The following UNC5D variants were observed in gnomAD, a reference collection of about 807,000 sequenced individuals.
UNC5D encodes netrin receptor UNC5D.
Under a neutral mutation model 105.4 loss-of-function variants are expected in UNC5D, and 39 were observed. The observed-to-expected ratio is 0.37, with a 90% CI of 0.29 to 0.48. The LOEUF (loss-of-function observed/expected upper bound fraction) is 0.48, where lower values mean the gene tolerates loss of function less well. UNC5D is among the 20% of genes least tolerant of loss of function. The pLI is 0.98. For synonymous variants in UNC5D, 452 were observed against 450.4 expected (o/e 1.00, Z -0.04); for missense variants, 991 against 1,202.4 (o/e 0.82, Z 2.60).
intron 4 of UNC5D, among the ~76,000 whole-genome samples, chr8:35,617,008 T>C (rs1207775525): frequency 6.6e-6 from 1 of 152,212 alleles, no homozygotes; most frequent in Non-Finnish European, 1.5e-5. Flanking sequence ...TAATGTTCCA[T>C]GGGCATGAAT....
intron 4 of UNC5D, among the ~76,000 whole-genome samples, chr8:35,613,190 G>C (rs1256328880): frequency 1.3e-5 from 2 of 152,198 alleles, no homozygotes; most frequent in African/African-American, 4.8e-5. Flanking sequence ...CAGTTTTCCT[G>C]CTTCAGCCTC....
Position 35,247,647 on chromosome 8 carries a change from A to G in UNC5D, c.103+11760A>G, listed in dbSNP as rs1287835287. ...AAATATATATAATATATAAATATATATTATATATAAAATATATATAATATA... is the reference window on the plus strand; with the variant it reads ...AAATATATATAATATATAAATATATGTTATATATAAAATATATATAATATA... On this transcript the variant is annotated intron_variant, in intron 1 of 16. Coordinates refer to ENST00000404895, the MANE Select transcript of UNC5D (RefSeq NM_080872.4). Among the ~76,000 whole-genome samples, 50 of 56,586 alleles carry G rather than the reference A, an allele frequency of 8.8e-4. 1 individual carries two copies. Among genetic ancestry groups the G allele is most frequent in the African/African-American group, 1.7e-3 (22 of 12,708 alleles). 37.1% of individuals were successfully genotyped at this position (56,586 alleles called of 152,430 possible). A position where few individuals can be genotyped will look rare whatever the true frequency, so the allele number is the denominator to read the frequency against.
At chr8:35,718,399 A>C (rs1828378712) in intron 8 of UNC5D, among the ~76,000 whole-genome samples, 1 of 152,200 alleles carries the variant, frequency 6.6e-6, no homozygotes, top group Admixed American at 6.5e-5. Flanking sequence ...GTATAAACGT[A>C]TGTGTAAATG....
intron 1 of UNC5D, among the ~76,000 whole-genome samples, chr8:35,428,326 A>G (rs1038632237): frequency 2.7e-5 from 4 of 148,578 alleles, no homozygotes; most frequent in African/African-American, 9.9e-5. Flanking sequence ...GATTACAGGT[A>G]CATGCCACCA....
At chr8:35,605,140 T>A (rs1586231627) in intron 4 of UNC5D, among the ~76,000 whole-genome samples, 1 of 152,120 alleles carries the variant, frequency 6.6e-6, no homozygotes, top group Non-Finnish European at 1.5e-5. Flanking sequence ...GAGTTTCCGG[T>A]TTTTCTGTTC....
intron 16 of UNC5D, among the ~76,000 whole-genome samples, chr8:35,788,857 G>A (rs1037830099): frequency 3.3e-5 from 5 of 151,840 alleles, no homozygotes; most frequent in African/African-American, 7.2e-5. Flanking sequence ...CTGGGATTTC[G>A]AACCATTGAG....
At chr8:35,495,782 C>T (rs1811544958) in intron 1 of UNC5D, among the ~76,000 whole-genome samples, 2 of 151,904 alleles carry the variant, frequency 1.3e-5, no homozygotes, top group African/African-American at 4.8e-5. Context: ...CAGTAAAAAC[C>T]CTATTTTTTG....
intron 1 of UNC5D, among the ~76,000 whole-genome samples, chr8:35,333,142 T>G (rs1365131842): frequency 6.6e-6 from 1 of 152,076 alleles, no homozygotes; most frequent in Non-Finnish European, 1.5e-5. Flanking sequence ...GAGGCCAGCC[T>G]GAGCAACATA....
At chr8:35,627,133 GA>G (rs1821738867) in intron 4 of UNC5D, among the ~76,000 whole-genome samples, 1 of 152,120 alleles carries the variant, frequency 6.6e-6, no homozygotes, top group Non-Finnish European at 1.5e-5. Flanking sequence ...TGTATTCAGG[GA>G]TTTTAAACTT....
intron 4 of UNC5D, among the ~76,000 whole-genome samples, chr8:35,624,200 A>T (rs556945183): frequency 1.3e-5 from 2 of 152,246 alleles, no homozygotes; most frequent in Admixed American, 1.3e-4. Context: ...AAGATTAGTC[A>T]TCTTCACTCA....
chr8:35,305,577 T>TTCTCTTTCTTTCTTTCTTTCTTTC (rs1339138456), intron 1 of UNC5D, among the ~76,000 whole-genome samples: 5 of 53,998 alleles, frequency 9.3e-5, no homozygotes, highest in African/African-American at 2.6e-4. Flanking sequence ...CTTTCTTTCT[T>TTCTCTTTCTTTCTTTCTTTCTTTC]TTTCTTTCTT....
At chr8:35,777,630 G>A (rs1286987079) in intron 16 of UNC5D, among the ~76,000 whole-genome samples, 5 of 152,044 alleles carry the variant, frequency 3.3e-5, no homozygotes, top group Admixed American at 2.0e-4. Flanking sequence ...ACAACTACTC[G>A]GCAACATTCA....
intron 4 of UNC5D, among the ~76,000 whole-genome samples, chr8:35,672,540 T>C (rs1444560581): frequency 6.6e-6 from 1 of 152,138 alleles, no homozygotes; most frequent in African/African-American, 2.4e-5. Context: ...TCTTTGCAGA[T>C]GGGAAAAAGC....
intron 3 of UNC5D, among the ~76,000 whole-genome samples, chr8:35,591,374 A>G (rs1242558380): frequency 6.6e-6 from 1 of 152,156 alleles, no homozygotes; most frequent in Non-Finnish European, 1.5e-5. Context: ...CTGCAAAAAT[A>G]CTTGTAAATT....
chr8:35,470,811 T>TAAAA (rs1554538830), intron 1 of UNC5D, among the ~76,000 whole-genome samples: 1 of 136,404 alleles, frequency 7.3e-6, no homozygotes, highest in Non-Finnish European at 1.6e-5. Context: ...AATAAATAAA[T>TAAAA]AAAATAAAAA....
chr8:35,711,176 T>TTGTTC (rs1827942306), intron 8 of UNC5D, among the ~76,000 whole-genome samples: 1 of 151,166 alleles, frequency 6.6e-6, no homozygotes, highest in African/African-American at 2.4e-5. Flanking sequence ...TGTTTTTGTT[T>TTGTTC]TGTTTTGTTT....
At chr8:35,251,997 C>G (rs1162280576) in intron 1 of UNC5D, among the ~76,000 whole-genome samples, 1 of 150,902 alleles carries the variant, frequency 6.6e-6, no homozygotes, top group South Asian at 2.1e-4. Flanking sequence ...TATTACTACC[C>G]TGTTCCTAAC....
At chr8:35,246,678 C>T (rs559477523) in intron 1 of UNC5D, among the ~76,000 whole-genome samples, 2 of 152,074 alleles carry the variant, frequency 1.3e-5, no homozygotes, top group Non-Finnish European at 2.9e-5. Flanking sequence ...ACGACTCCAG[C>T]AAAACTCACA....
intron 4 of UNC5D, among the ~76,000 whole-genome samples, chr8:35,608,842 T>A (rs1274763273): frequency 1.3e-5 from 2 of 152,220 alleles, no homozygotes; most frequent in Non-Finnish European, 2.9e-5. Context: ...TTGTTTCATA[T>A]GTTTGCTATT....
Sources: gnomAD v4.1 joint callset for allele counts (sites outside exome capture counted in the v4.1 genomes callset) on GRCh38, gnomAD v4.1.1 for gene constraint, MANE v1.5 for transcripts, NCBI Gene and HGNC (gene_info 2026-07-23, HGNC 2026-07-21) for gene names.